Variants in PDE4B observed in about 807,000 individuals in gnomAD.
The protein encoded by PDE4B is 3',5'-cyclic-AMP phosphodiesterase 4B.
Under a neutral mutation model 82.2 loss-of-function variants are expected in PDE4B, and 20 were observed. That is an observed-to-expected ratio of 0.24 (90% CI 0.17 to 0.35). The LOEUF is 0.35. Among genes scored for constraint, PDE4B ranks in the 10% least tolerant of loss-of-function variants. The probability of loss-of-function intolerance (pLI) is 1.00; values close to 1 mark genes in which losing one functional copy is unlikely to be tolerated. For missense variants in PDE4B, 655 were observed against 907.2 expected (o/e 0.72, Z 3.57); for synonymous variants, 320 against 318.9 (o/e 1.00, Z -0.04).
At chr1:66,177,771 T>C (rs1022499412) in intron 3 of PDE4B, among the ~76,000 whole-genome samples, 1 of 152,196 alleles carries the variant, frequency 6.6e-6, no homozygotes, top group African/African-American at 2.4e-5. Context: ...TGGTGTTTTA[T>C]TGATTTCCAA....
At chr1:66,329,604 A>C (rs1659968197) in intron 7 of PDE4B, among the ~76,000 whole-genome samples, 2 of 152,172 alleles carry the variant, frequency 1.3e-5, no homozygotes, top group African/African-American at 4.8e-5. Flanking sequence ...CTTCAATGCC[A>C]GGCCTTAGGA....
intron 7 of PDE4B, chr1:66,330,751 G>A: frequency 3.0e-6 from 3 of 985,114 alleles, no homozygotes; most frequent in Non-Finnish European, 3.6e-6. Context: ...GAGGAGGCAA[G>A]GGGTTGTTTC....
At chr1:65,972,728 A>G (rs767657262) in intron 3 of PDE4B, among the ~76,000 whole-genome samples, 29 of 152,168 alleles carry the variant, frequency 1.9e-4, no homozygotes, top group Non-Finnish European at 3.5e-4. Context: ...TTTCTGCATA[A>G]CTATTTCTGG....
chr1:66,325,821 T>C (rs1456583914), intron 7 of PDE4B, among the ~76,000 whole-genome samples: 1 of 152,128 alleles, frequency 6.6e-6, no homozygotes, highest in African/African-American at 2.4e-5. Context: ...AGGGGAGAAG[T>C]TCCTGACACG....
chr1:66,078,350 C>T (rs1415408105), intron 3 of PDE4B, among the ~76,000 whole-genome samples: 1 of 152,020 alleles, frequency 6.6e-6, no homozygotes, highest in Non-Finnish European at 1.5e-5. Context: ...GCACATGTCA[C>T]CACGCCTGGC....
intron 3 of PDE4B, among the ~76,000 whole-genome samples, chr1:66,100,631 A>C (rs1287140696): frequency 6.6e-6 from 1 of 152,154 alleles, no homozygotes; most frequent in East Asian, 1.9e-4. Flanking sequence ...CATGAAAAAT[A>C]CTTTCCAGCT....
chr1:65,798,419 C>T lies in PDE4B; in HGVS notation c.-71+5171C>T, dbSNP rs1439054715. Among the ~76,000 whole-genome samples the T allele has an allele frequency of 8.0e-5, 7 of 87,998 alleles. 2 individuals carry two copies. The highest frequency in any genetic ancestry group is 1.2e-4 in the Non-Finnish European group (6 of 51,718). The allele number at this position is 87,998 out of a possible 152,430, so 57.7% of individuals were successfully genotyped here. The stretch of plus-strand genomic sequence containing the variant: ...GACTACAGGCGCCCGCCACCGCGCC[C>T]GGCTAATTTTTTGTATTTTTAGTAG... On this transcript the variant is annotated intron_variant, in intron 1 of 16. Transcript: ENST00000341517.
intron 6 of PDE4B, among the ~76,000 whole-genome samples, chr1:66,263,836 A>AG (rs966136862): frequency 1.4e-4 from 21 of 152,190 alleles, no homozygotes; most frequent in African/African-American, 4.8e-4. Context: ...CTTCCTTGAC[A>AG]GGGGAATGAA....
chr1:66,247,721 A>C, intron 4 of PDE4B, 67 bp downstream of exon 4: 4 of 1,179,564 alleles, frequency 3.4e-6, no homozygotes, highest in Non-Finnish European at 4.8e-6. Context: ...TCACAGTGGC[A>C]GCAACAACAA....
intron 3 of PDE4B, among the ~76,000 whole-genome samples, chr1:66,106,345 T>C (rs1189682653): frequency 6.6e-6 from 1 of 151,984 alleles, no homozygotes; most frequent in East Asian, 1.9e-4. Context: ...TTTGCCAGTA[T>C]TTTATTGAGG....
intron 3 of PDE4B, among the ~76,000 whole-genome samples, chr1:66,058,779 T>C (rs777778905): frequency 1.3e-5 from 2 of 152,272 alleles, no homozygotes; most frequent in South Asian, 2.1e-4. Flanking sequence ...GAAACCATTT[T>C]TTCCCCCTAG....
chr1:66,243,110 G>T (rs1653012317), intron 3 of PDE4B, among the ~76,000 whole-genome samples: 1 of 152,192 alleles, frequency 6.6e-6, no homozygotes, highest in African/African-American at 2.4e-5. Context: ...GATTTGTTTT[G>T]CTCAGGGAGA....
chr1:65,906,721 T>C (rs1409248533), intron 1 of PDE4B, among the ~76,000 whole-genome samples: 1 of 152,148 alleles, frequency 6.6e-6, no homozygotes, highest in Non-Finnish European at 1.5e-5. Flanking sequence ...ATTCTTTCTT[T>C]TTTTGTCACC....
chr1:66,362,438 G>T (rs72928219), intron 10 of PDE4B, among the ~76,000 whole-genome samples: 1 of 152,134 alleles, frequency 6.6e-6, no homozygotes, highest in Non-Finnish European at 1.5e-5. Context: ...TGAGCTTACT[G>T]TGAGCAGTAA....
rs1656596883 is a variant in PDE4B at position 66,285,307 on chromosome 1, C to G, written c.634+19220C>G. Among the ~76,000 whole-genome samples the G allele has an allele frequency of 5.3e-5, 8 of 152,234 alleles. No homozygotes were observed. The South Asian group carries it at 1.7e-3, about 32-fold the overall frequency. ...AATATATGTTCCACAAAGTCGAACA[C>G]AAATGTTATTAGCAGCATTATTTAT... On this transcript the variant is annotated intron_variant, in intron 7 of 16. Transcript: ENST00000341517.
chr1:65,967,640 T>C (rs987653970), intron 3 of PDE4B, among the ~76,000 whole-genome samples: 3 of 152,048 alleles, frequency 2.0e-5, no homozygotes, highest in African/African-American at 7.2e-5. Context: ...CAGTGATAGA[T>C]TGGATAAAGA....
chr1:66,022,200 G>A (rs1396818228), intron 3 of PDE4B, among the ~76,000 whole-genome samples: 2 of 152,240 alleles, frequency 1.3e-5, no homozygotes, highest in African/African-American at 2.4e-5. Context: ...AGCTTAAGGA[G>A]ATTTTGGGCT....
intron 3 of PDE4B, among the ~76,000 whole-genome samples, chr1:66,179,788 G>A (rs1401630488): frequency 6.6e-6 from 1 of 152,152 alleles, no homozygotes; most frequent in East Asian, 1.9e-4. Context: ...TAAAAACACA[G>A]GGAACCCTCA....
intron 3 of PDE4B, among the ~76,000 whole-genome samples, chr1:66,236,651 C>A (rs886926242): frequency 2.0e-5 from 3 of 151,962 alleles, no homozygotes; most frequent in Admixed American, 1.3e-4. Flanking sequence ...ATTGTTTGCT[C>A]ATGCAAAATA....
Sources: allele counts gnomAD v4.1 joint callset (sites outside exome capture counted in the v4.1 genomes callset), GRCh38; gene constraint gnomAD v4.1.1; transcripts MANE v1.5; gene names NCBI Gene and HGNC (gene_info 2026-07-23, HGNC 2026-07-21).